PRKAG2: variants seen among roughly 807,000 people sequenced by gnomAD.
The protein encoded by PRKAG2 is protein kinase AMP-activated non-catalytic subunit gamma 2.
Under a neutral mutation model 69.6 loss-of-function variants are expected in PRKAG2, and 26 were observed. The observed-to-expected ratio is 0.37, with a 90% CI of 0.27 to 0.52. The LOEUF is 0.52. PRKAG2 is among the 20% of genes least tolerant of loss of function. The pLI, the probability that PRKAG2 is intolerant of heterozygous loss-of-function variation, is 0.90. For missense variants in PRKAG2, 557 were observed against 740.0 expected (o/e 0.75, Z 2.87); for synonymous variants, 293 against 285.0 (o/e 1.03, Z -0.28).
chr7:151,714,017 C>T (rs1162888094), intron 3 of PRKAG2, among the ~76,000 whole-genome samples: 1 of 152,144 alleles, frequency 6.6e-6, no homozygotes, highest in East Asian at 1.9e-4. Flanking sequence ...GCACATACCC[C>T]CAAAGGATTC....
chr7:151,836,236 G>A lies in PRKAG2; in HGVS notation c.114+40271C>T, dbSNP rs190283157. ...TCTTCCCCAGGAGACTGAGAGACTC[G>A]GGGGAGCAGGGGCTGCGTCAGGACC... On this transcript the variant is annotated intron_variant, in intron 1 of 15. Coordinates refer to ENST00000287878, the MANE Select transcript of PRKAG2 (RefSeq NM_016203.4). This position sits in a 1 kb window ranked among gnomAD's most constrained non-coding sequence, Gnocchi z 4.1. 2.7e-4 allele frequency among the ~76,000 whole-genome samples: 41 copies of A among 152,244 alleles called. No homozygotes were observed. The East Asian group carries it at 6.2e-3, about 23-fold the overall frequency.
At chr7:151,634,424 A>T (rs1325143616) in intron 4 of PRKAG2, among the ~76,000 whole-genome samples, 1 of 152,194 alleles carries the variant, frequency 6.6e-6, no homozygotes, top group Non-Finnish European at 1.5e-5. Context: ...GACACCAAAA[A>T]CACAGTCCAT....
rs540345731 is a variant in PRKAG2, at chr7:151,742,557, G to A, written c.466+38595C>T. On this transcript the variant is annotated intron_variant, in intron 3 of 15. Coordinates refer to ENST00000287878, the MANE Select transcript of PRKAG2 (RefSeq NM_016203.4). ...GAGAATCACTTGAACCCGGGAGGCGGAGGTTGCAGTGAACCGAGATTGTGC... is the reference window on the plus strand; with the variant it reads ...GAGAATCACTTGAACCCGGGAGGCGAAGGTTGCAGTGAACCGAGATTGTGC... Among the ~76,000 whole-genome samples the A allele has an allele frequency of 7.2e-5, 11 of 152,114 alleles. No homozygotes were observed. The East Asian group carries it at 1.7e-3, about 24-fold the overall frequency.
chr7:151,667,602 G>A (rs1369269076), intron 4 of PRKAG2, among the ~76,000 whole-genome samples: 1 of 152,216 alleles, frequency 6.6e-6, no homozygotes, highest in Non-Finnish European at 1.5e-5. Flanking sequence ...ATCTGGGGAG[G>A]AGGAAACAGA....
At chr7:151,873,809 C>G (rs951137236) in intron 1 of PRKAG2, among the ~76,000 whole-genome samples, 6 of 152,120 alleles carry the variant, frequency 3.9e-5, no homozygotes, top group African/African-American at 1.4e-4. Context: ...ATCGCTGGCA[C>G]CACCCCACGG....
chr7:151,865,277 G>T (rs1480956804), intron 1 of PRKAG2, among the ~76,000 whole-genome samples: 1 of 152,238 alleles, frequency 6.6e-6, no homozygotes, highest in East Asian at 1.9e-4. Context: ...GCATGGAGCC[G>T]ACTGGGCGAT....
chr7:151,737,136 C>T (rs2073485255), intron 3 of PRKAG2, among the ~76,000 whole-genome samples: 1 of 152,158 alleles, frequency 6.6e-6, no homozygotes. Flanking sequence ...AGCTTTGTGA[C>T]CATCAGAAAG....
At chr7:151,577,563 A>G (rs1809275617) in intron 6 of PRKAG2, among the ~76,000 whole-genome samples, 1 of 152,224 alleles carries the variant, frequency 6.6e-6, no homozygotes, top group East Asian at 1.9e-4. Context: ...CACTGAGAAA[A>G]TATTTTTTCT....
intron 4 of PRKAG2, among the ~76,000 whole-genome samples, chr7:151,659,547 T>C (rs1563364085): frequency 1.3e-5 from 2 of 152,208 alleles, no homozygotes; most frequent in African/African-American, 2.4e-5. Flanking sequence ...GGTTCACACA[T>C]GGTGACCGGG....
intron 1 of PRKAG2, among the ~76,000 whole-genome samples, chr7:151,871,202 C>T (rs551872619): frequency 2.0e-5 from 3 of 152,268 alleles, no homozygotes; most frequent in South Asian, 2.1e-4. Flanking sequence ...TTTCTTAGAC[C>T]GACATAAGGG....
chr7:151,713,996 T>C (rs1795738713), intron 3 of PRKAG2, among the ~76,000 whole-genome samples: 1 of 152,090 alleles, frequency 6.6e-6, no homozygotes, highest in Non-Finnish European at 1.5e-5. Context: ...GGGGTTCAAG[T>C]CCAAGAACCG....
intron 6 of PRKAG2, among the ~76,000 whole-genome samples, chr7:151,590,430 T>C (rs140199957): frequency 2.0e-5 from 3 of 152,320 alleles, no homozygotes; most frequent in Non-Finnish European, 4.4e-5. Flanking sequence ...AAGCTGGGCA[T>C]GGATCTGGAA....
At chr7:151,764,590 T>A (rs1388629041) in intron 3 of PRKAG2, among the ~76,000 whole-genome samples, 1 of 152,210 alleles carries the variant, frequency 6.6e-6, no homozygotes, top group East Asian at 1.9e-4. Flanking sequence ...ATCCCAGGAC[T>A]GCGATGGCTA....
At chr7:151,650,368 T>C (rs1189133258) in intron 4 of PRKAG2, among the ~76,000 whole-genome samples, 1 of 151,824 alleles carries the variant, frequency 6.6e-6, no homozygotes, top group African/African-American at 2.4e-5. Flanking sequence ...AAGTGGGCAA[T>C]TACGCAAACT....
At chr7:151,645,583 T>TA (rs978087100) in intron 4 of PRKAG2, among the ~76,000 whole-genome samples, 2 of 152,176 alleles carry the variant, frequency 1.3e-5, no homozygotes, top group African/African-American at 2.4e-5. Context: ...CAATGGGTTT[T>TA]AAAAAAATGC....
At chr7:151,736,170 A>G in intron 3 of PRKAG2, 1 of 1,434,042 alleles carries the variant, frequency 7.0e-7, no homozygotes, top group African/African-American at 1.4e-5. Flanking sequence ...CGTCCTCACC[A>G]GGGGGTCTTC....
At chr7:151,711,244 T>C (rs1795255830) in intron 3 of PRKAG2, among the ~76,000 whole-genome samples, 1 of 150,922 alleles carries the variant, frequency 6.6e-6, no homozygotes, top group Non-Finnish European at 1.5e-5. Context: ...CTAAGAGTAC[T>C]AGGCTGAGAG....
At chr7:151,631,384 A>G (rs942398213) in intron 5 of PRKAG2, among the ~76,000 whole-genome samples, 3 of 152,202 alleles carry the variant, frequency 2.0e-5, no homozygotes, top group African/African-American at 4.8e-5. Flanking sequence ...AGCTCGTCAC[A>G]TTCCATTTTA....
rs138691548 is a variant in PRKAG2, at chr7:151,708,453, C to T, written c.467-32816G>A. 4.0e-3 allele frequency among the ~76,000 whole-genome samples: 605 copies of T among 152,286 alleles called. 3 individuals are homozygous for T. Among genetic ancestry groups the T allele is most frequent in the African/African-American group, 0.014 (581 of 41,544 alleles). ...CAAAAAATAAAAATAGTAAATGTAC[C>T]AGTATCTTCTATGCAGCGTAAAGAT... is the stretch of plus-strand genomic sequence containing the variant. On this transcript the variant is annotated intron_variant, in intron 3 of 15. Coordinates refer to ENST00000287878, the MANE Select transcript of PRKAG2 (RefSeq NM_016203.4).
Sources: allele counts gnomAD v4.1 joint callset (sites outside exome capture counted in the v4.1 genomes callset), GRCh38; gene constraint gnomAD v4.1.1; non-coding constraint Gnocchi (gnomAD v3.1); transcripts MANE v1.5; gene names NCBI Gene and HGNC (gene_info 2026-07-23, HGNC 2026-07-21).